Variants in PRDM15 observed in about 807,000 individuals in gnomAD.
PRDM15 encodes PR/SET domain 15.
PRDM15 carries 64 observed loss-of-function variants against 128.6 expected under a neutral mutation model. The observed-to-expected ratio is 0.50, with a 90% CI of 0.41 to 0.61. The LOEUF is 0.61. Ranked by LOEUF, PRDM15 falls within the 20% of genes least tolerant of loss-of-function variation. The pLI, the probability that PRDM15 is intolerant of heterozygous loss-of-function variation, is 0.00. For synonymous variants in PRDM15, 615 were observed against 621.8 expected, an observed-to-expected ratio of 0.99 and a Z score of 0.16; for missense variants, 1,242 against 1,569.1, an observed-to-expected ratio of 0.79 and a Z score of 3.52.
In PRDM15 at chr21:41,879,010, G is replaced by A. The variant is rs1427100866; in HGVS notation, c.-10+260C>T. 2 of 1,027,702 alleles carry A rather than the reference G, an allele frequency of 1.9e-6. No homozygotes were observed. Among genetic ancestry groups the A allele is most frequent in the Non-Finnish European group, 2.4e-6 (2 of 848,384 alleles). 63.7% of individuals were successfully genotyped at this position (1,027,702 alleles called of 1,614,324 possible). A position where few individuals can be genotyped will look rare whatever the true frequency, so the allele number is the denominator to read the frequency against. On this transcript the variant is annotated intron_variant, in intron 1 of 23. Transcript: ENST00000398548. The surrounding 1 kb of genome is among the most constrained non-coding windows in gnomAD (Gnocchi z 5.1). ...GGCGGCGGGACCCGGCGGGCGGGCG[G>A]CGCGCAGGGCGATCCCGGAGCGGCT...
In PRDM15 at chr21:41,834,513, T is replaced by C. The variant is rs1434659872; in HGVS notation, c.1366+924A>G. 2.6e-6 allele frequency: 4 copies of C among 1,549,980 alleles called. No homozygotes were observed. In the African/African-American group the frequency reaches 4.1e-5, roughly 16 times the overall value. On this transcript the variant is annotated intron_variant, in intron 11 of 23. Transcript: ENST00000398548. ...GGGCGTCGAAGGCTAACCTGGTAGG[T>C]CTCTAAGCCGACTGCCGCCGGGCCC...
chr21:41,807,396 A>C (rs1285062189), intron 21 of PRDM15, among the ~76,000 whole-genome samples: 2 of 152,146 alleles, frequency 1.3e-5, no homozygotes, highest in African/African-American at 4.8e-5. Flanking sequence ...GTGTGACTCC[A>C]ACGAACACCT....
chr21:41,870,831 T>C (rs1398075084), intron 1 of PRDM15: 5 of 152,162 alleles, frequency 3.3e-5, no homozygotes, highest in Admixed American at 1.3e-4. Flanking sequence ...TGCTACAAGA[T>C]AGAGGACTAG....
chr21:41,801,736 A>T lies in PRDM15; in HGVS notation c.2944-14T>A. 1 of 1,603,780 alleles carries T rather than the reference A, an allele frequency of 6.2e-7. No homozygotes were observed. The highest frequency in any genetic ancestry group is 8.5e-7 in the Non-Finnish European group (1 of 1,172,194). On this transcript the variant is annotated splice_polypyrimidine_tract_variant and intron_variant, in intron 23 of 23. Transcript: ENST00000398548. ...GGTCACCACTACCTGGAAGATTCAC[A>T]CACAACAAAAATCCGTTCATTTTTG...
chr21:41,878,419 A>G (rs888015836), intron 1 of PRDM15, among the ~76,000 whole-genome samples: 1 of 152,236 alleles, frequency 6.6e-6, no homozygotes, highest in African/African-American at 2.4e-5. Context: ...TCTAACCACC[A>G]GATAGGAGTG....
intron 7 of PRDM15, 83 bp downstream of exon 7, chr21:41,839,540 C>T: frequency 8.5e-7 from 1 of 1,182,718 alleles, no homozygotes; most frequent in Non-Finnish European, 1.3e-6. Context: ...CCGCCCCGCC[C>T]TCTGCCCCCT....
intron 5 of PRDM15, among the ~76,000 whole-genome samples, chr21:41,849,585 G>A (rs916719048): frequency 6.6e-6 from 1 of 151,112 alleles, no homozygotes; most frequent in African/African-American, 2.4e-5. Context: ...TCTCTGAACT[G>A]TACACTTAAA....
intron 21 of PRDM15, among the ~76,000 whole-genome samples, chr21:41,806,525 CCACCA>C (rs2061655465): frequency 3.4e-4 from 1 of 2,936 alleles, no homozygotes; most frequent in Admixed American, 4.8e-3. Flanking sequence ...ACCACCATCA[CCACCA>C]CCATCACTAC....
At chr21:41,870,428 C>T (rs900529851) in intron 1 of PRDM15, among the ~76,000 whole-genome samples, 4 of 152,124 alleles carry the variant, frequency 2.6e-5, no homozygotes, top group Non-Finnish European at 5.9e-5. Context: ...ATCTTTCCCG[C>T]TGGGCACACG....
Position 41,862,130 on chromosome 21 carries a change from C to G in PRDM15, c.-9-1758G>C, listed in dbSNP as rs1187199538. 1.4e-6 allele frequency: 1 copy of G among 711,758 alleles called. No homozygotes were observed. The highest frequency in any genetic ancestry group is 2.5e-6 in the Non-Finnish European group (1 of 403,334). 44.1% of individuals were successfully genotyped at this position (711,758 alleles called of 1,614,324 possible). On this transcript the variant is annotated intron_variant, in intron 1 of 23. Coordinates refer to ENST00000398548, the MANE Select transcript of PRDM15 (RefSeq NM_001040424.3). The surrounding 1 kb of genome is among the most constrained non-coding windows in gnomAD (Gnocchi z 4.1). Reference sequence around the variant, plus strand: ...CCCAGAGTGGGGTGGGGAGGGCGCACGCTTTCATGAGTTGCTGCTGTGCTA... The same window carrying G: ...CCCAGAGTGGGGTGGGGAGGGCGCAGGCTTTCATGAGTTGCTGCTGTGCTA...
At position 41,842,271 on chromosome 21, in the gene PRDM15, C is replaced by A. The variant is rs1380713761; in HGVS notation, c.641-2418G>T. Among the ~76,000 whole-genome samples, 4 of 152,256 alleles carry A rather than the reference C, an allele frequency of 2.6e-5. No homozygotes were observed. The South Asian group carries it at 6.2e-4, about 24-fold the overall frequency. Reference sequence around the variant, plus strand: ...AACCACTCGTCCCCACCTATTATCACCTTTCCATTTTTTAGTATTAGATAG... The same window carrying A: ...AACCACTCGTCCCCACCTATTATCAACTTTCCATTTTTTAGTATTAGATAG... On this transcript the variant is annotated intron_variant, in intron 6 of 23. Coordinates refer to ENST00000398548, the MANE Select transcript of PRDM15 (RefSeq NM_001040424.3).
At chr21:41,869,608 G>T (rs1038719960) in intron 1 of PRDM15, among the ~76,000 whole-genome samples, 5 of 152,022 alleles carry the variant, frequency 3.3e-5, no homozygotes, top group Non-Finnish European at 1.5e-5. Flanking sequence ...CACCACGCCT[G>T]GCTAATTTTG....
At chr21:41,847,260 C>T in intron 5 of PRDM15, 69 bp from the exon 6 acceptor site, 1 of 1,135,164 alleles carries the variant, frequency 8.8e-7, no homozygotes, top group Non-Finnish European at 1.3e-6. Flanking sequence ...AATCCCGGCG[C>T]AGCGGAGGAG....
chr21:41,831,014 T>C (rs950806153), intron 11 of PRDM15, among the ~76,000 whole-genome samples: 2 of 152,228 alleles, frequency 1.3e-5, no homozygotes, highest in Non-Finnish European at 2.9e-5. Flanking sequence ...AGAGCTGCAT[T>C]CTCCTCCCTG....
At chr21:41,860,472 G>A (rs1304361740) in intron 1 of PRDM15, 100 bp from the exon 2 acceptor site, 1 of 985,142 alleles carries the variant, frequency 1.0e-6, no homozygotes, top group African/African-American at 1.6e-5. Flanking sequence ...AGGATAGATA[G>A]AGTACAGTGG....
chr21:41,835,954 T>TC (rs1195433109), intron 10 of PRDM15, among the ~76,000 whole-genome samples, 159 bp downstream of exon 10: 25 of 73,530 alleles, frequency 3.4e-4, no homozygotes, highest in African/African-American at 1.4e-3. Flanking sequence ...CTCTCCTCCC[T>TC]CCCCCACAGC....
At chr21:41,863,571 C>T (rs2063897155) in intron 1 of PRDM15, among the ~76,000 whole-genome samples, 1 of 151,956 alleles carries the variant, frequency 6.6e-6, no homozygotes, top group African/African-American at 2.4e-5. Context: ...CAGACCAGGA[C>T]CATCTGCATC....
intron 1 of PRDM15, among the ~76,000 whole-genome samples, chr21:41,876,642 G>A (rs1246234158): frequency 6.6e-6 from 1 of 152,132 alleles, no homozygotes; most frequent in Non-Finnish European, 1.5e-5. Flanking sequence ...TTTGAGGAGC[G>A]GACGTGGCCC....
intron 13 of PRDM15, 62 bp from the exon 14 acceptor site, chr21:41,823,511 C>T (rs2062360759): frequency 1.3e-6 from 2 of 1,513,898 alleles, no homozygotes; most frequent in South Asian, 1.2e-5. Context: ...GGAGCCTCTC[C>T]ATCAGGCTCC....
Sources: allele counts gnomAD v4.1 joint callset (sites outside exome capture counted in the v4.1 genomes callset), GRCh38; gene constraint gnomAD v4.1.1; non-coding constraint Gnocchi (gnomAD v3.1); transcripts MANE v1.5; gene names NCBI Gene and HGNC (gene_info 2026-07-23, HGNC 2026-07-21).